Variants in PCOLCE2 observed in about 807,000 individuals in gnomAD.
PCOLCE2 encodes procollagen C-endopeptidase enhancer 2, also known as procollagen C-proteinase enhancer 2.
Under a neutral mutation model 47.0 loss-of-function variants are expected in PCOLCE2, and 42 were observed. The observed-to-expected ratio is 0.89, with a 90% confidence interval of 0.70 to 1.16. PCOLCE2 has a LOEUF of 1.16. Ranked by LOEUF, PCOLCE2 falls within the 50% of genes most tolerant of loss-of-function variation. The pLI is 0.00. For missense variants in PCOLCE2, 500 were observed against 526.1 expected (o/e 0.95, Z 0.49); for synonymous variants, 169 against 191.7 (o/e 0.88, Z 0.98).
intron 7 of PCOLCE2, among the ~76,000 whole-genome samples, chr3:142,822,887 T>C (rs960831643): frequency 5.3e-5 from 8 of 152,224 alleles, no homozygotes; most frequent in Admixed American, 3.9e-4. Context: ...ATCAGATTTG[T>C]CTTAAATGTT....
At chr3:142,861,136 T>C (rs1363150735) in intron 2 of PCOLCE2, among the ~76,000 whole-genome samples, 1 of 152,248 alleles carries the variant, frequency 6.6e-6, no homozygotes, top group Non-Finnish European at 1.5e-5. Context: ...TAGCTTTAAA[T>C]GGTTTTCTCA....
chr3:142,829,900 G>C, intron 5 of PCOLCE2, 54 bp from the exon 6 acceptor site: 1 of 1,075,216 alleles, frequency 9.3e-7, no homozygotes, highest in Non-Finnish European at 1.3e-6. Context: ...GTGCCTCTCT[G>C]AAAATGTAAA....
intron 5 of PCOLCE2, among the ~76,000 whole-genome samples, chr3:142,837,183 A>G (rs1382561478): frequency 1.3e-5 from 2 of 152,256 alleles, no homozygotes; most frequent in Non-Finnish European, 2.9e-5. Context: ...GGAAAAGCCA[A>G]GGAAACAGAT....
intron 2 of PCOLCE2, among the ~76,000 whole-genome samples, chr3:142,886,266 G>T (rs1222584497): frequency 6.6e-6 from 1 of 152,130 alleles, no homozygotes; most frequent in Non-Finnish European, 1.5e-5. Flanking sequence ...CAACCTGTCC[G>T]CAATACTCAG....
chr3:142,836,544 AT>A (rs1202745546), intron 5 of PCOLCE2, among the ~76,000 whole-genome samples: 2 of 152,070 alleles, frequency 1.3e-5, no homozygotes, highest in African/African-American at 4.8e-5. Context: ...TGCTTTCAAA[AT>A]TTTTTCTTAA....
chr3:142,842,201 T>C lies in PCOLCE2; in HGVS notation c.573+723A>G, dbSNP rs1937270553. The stretch of plus-strand genomic sequence containing the variant: ...GGCAAAGCATCCACACTTTTTTATT[T>C]AGTCACTAGAATAACTATTATCAGG... On this transcript the variant is annotated intron_variant, in intron 4 of 8. Coordinates refer to ENST00000295992, the MANE Select transcript of PCOLCE2 (RefSeq NM_013363.4). The surrounding 1 kb of genome is among the most constrained non-coding windows in gnomAD (Gnocchi z 4.1). Among the ~76,000 whole-genome samples the C allele has an allele frequency of 6.6e-6, 1 of 152,178 alleles. No individual in the cohort carries two copies. Among genetic ancestry groups the C allele is most frequent in the South Asian group, 2.1e-4 (1 of 4,828 alleles).
intron 2 of PCOLCE2, among the ~76,000 whole-genome samples, chr3:142,863,471 C>G (rs1443761031): frequency 6.6e-6 from 1 of 152,174 alleles, no homozygotes; most frequent in African/African-American, 2.4e-5. Context: ...GTCCAGTTCT[C>G]TCAGGAAAGA....
intron 2 of PCOLCE2, among the ~76,000 whole-genome samples, chr3:142,872,177 C>T (rs1461881865): frequency 2.0e-5 from 3 of 152,214 alleles, no homozygotes; most frequent in African/African-American, 7.2e-5. Flanking sequence ...CCAACACCCT[C>T]CACACCTCCT....
chr3:142,835,632 T>C (rs1031280049), intron 5 of PCOLCE2, among the ~76,000 whole-genome samples: 1 of 152,122 alleles, frequency 6.6e-6, no homozygotes, highest in African/African-American at 2.4e-5. Context: ...ATTTCTACCA[T>C]CTTATCTTGT....
intron 3 of PCOLCE2, among the ~76,000 whole-genome samples, chr3:142,843,961 A>G (rs1937296690): frequency 6.6e-6 from 1 of 152,286 alleles, no homozygotes; most frequent in African/African-American, 2.4e-5. Flanking sequence ...TAAGTAGAAT[A>G]ATATAATGAC....
rs575519106 is a variant in PCOLCE2, at chr3:142,856,718, G to A, written c.193-8246C>T. On this transcript the variant is annotated intron_variant, in intron 2 of 8. Transcript: ENST00000295992. ...TGGGGAAAGAGATAACGTTGAAAAC[G>A]AAGAGTATTCCTTTTCACAGACATT... Among the ~76,000 whole-genome samples, 22 of 152,288 alleles carry A rather than the reference G, an allele frequency of 1.4e-4. No individual in the cohort carries two copies. In the South Asian group the frequency reaches 3.1e-3, roughly 21 times the overall value.
At position 142,842,954 on chromosome 3, in the gene PCOLCE2, A is replaced by G; in HGVS notation, c.543T>C (p.Cys181=). The part of the protein sequence containing the change: ...PDRDYPAGVT[C]VWHIVAPKNQ... ...TCTTTGGGGCTACAATGTGCCACAC[A>G]CAAGTGACTCCTGCAGGGTAATCCC... Residue 181 remains cysteine, a synonymous_variant, in exon 4 of 9, where the codon TGT becomes TGC. Coordinates refer to ENST00000295992, the MANE Select transcript of PCOLCE2 (RefSeq NM_013363.4). This position sits in a 1 kb window ranked among gnomAD's most constrained non-coding sequence, Gnocchi z 4.1. 4 of 1,614,158 alleles carry G rather than the reference A, an allele frequency of 2.5e-6. No homozygotes were observed. Among genetic ancestry groups the G allele is most frequent in the Non-Finnish European group, 3.4e-6 (4 of 1,179,982 alleles).
chr3:142,880,416 A>C (rs768571978), intron 2 of PCOLCE2, among the ~76,000 whole-genome samples: 11 of 152,194 alleles, frequency 7.2e-5, no homozygotes, highest in Non-Finnish European at 2.9e-5. Context: ...ACCCCTTGCC[A>C]TACCCTTAGG....
At chr3:142,883,620 C>A (rs1241047714) in intron 2 of PCOLCE2, among the ~76,000 whole-genome samples, 1 of 151,290 alleles carries the variant, frequency 6.6e-6, no homozygotes, top group Non-Finnish European at 1.5e-5. Context: ...GGTTTCACCA[C>A]GTTGGCCAGG....
chr3:142,858,753 G>GTGT (rs1391526627), intron 2 of PCOLCE2, among the ~76,000 whole-genome samples: 2 of 151,990 alleles, frequency 1.3e-5, no homozygotes, highest in East Asian at 3.8e-4. Context: ...GTGTGTGTGT[G>GTGT]TAAGAGAGAG....
intron 1 of PCOLCE2, among the ~76,000 whole-genome samples, chr3:142,888,458 C>T (rs1247120494): frequency 6.6e-6 from 1 of 152,242 alleles, no homozygotes; most frequent in Admixed American, 6.5e-5. Context: ...AAAAAAACAG[C>T]GGTAAACCAA....
Position 142,848,490 on chromosome 3 carries a change from A to G in PCOLCE2, c.193-18T>C. 1 of 1,583,198 alleles carries G rather than the reference A, an allele frequency of 6.3e-7. No homozygotes were observed. Among genetic ancestry groups the G allele is most frequent in the South Asian group, 1.1e-5 (1 of 88,580 alleles). ...TCGGGAACCTGCCAAGAAAAGCGCCAATTAGAAAACTGTCATGAAAACAAT... is the reference window on the plus strand; with the variant it reads ...TCGGGAACCTGCCAAGAAAAGCGCCGATTAGAAAACTGTCATGAAAACAAT... On this transcript the variant is annotated intron_variant, in intron 2 of 8. Coordinates refer to ENST00000295992, the MANE Select transcript of PCOLCE2 (RefSeq NM_013363.4).
At chr3:142,875,633 C>T (rs1933482468) in intron 2 of PCOLCE2, among the ~76,000 whole-genome samples, 1 of 152,134 alleles carries the variant, frequency 6.6e-6, no homozygotes, top group Non-Finnish European at 1.5e-5. Context: ...TCTGTCTATT[C>T]CAAGGGTGCT....
At chr3:142,869,636 C>G (rs143778463) in intron 2 of PCOLCE2, among the ~76,000 whole-genome samples, 13 of 152,156 alleles carry the variant, frequency 8.5e-5, no homozygotes, top group Non-Finnish European at 1.3e-4. Flanking sequence ...TCTCCACAAC[C>G]CTTTATCTTA....
Sources: allele counts gnomAD v4.1 joint callset (sites outside exome capture counted in the v4.1 genomes callset), GRCh38; gene constraint gnomAD v4.1.1; non-coding constraint Gnocchi (gnomAD v3.1); transcripts MANE v1.5; gene names NCBI Gene and HGNC (gene_info 2026-07-23, HGNC 2026-07-21).